The following REV3L variants were observed in gnomAD, a reference collection of about 807,000 sequenced individuals.
REV3L encodes the protein REV3 like, DNA directed polymerase zeta catalytic subunit.
REV3L carries 69 observed loss-of-function variants against 299.4 expected under a neutral mutation model. The ratio of observed to expected loss-of-function variants is 0.23; its 90% CI spans 0.19 to 0.28. REV3L has a LOEUF of 0.28. REV3L is among the 10% of genes least tolerant of loss of function. The pLI is 1.00. For missense variants in REV3L, 3,128 were observed against 3,693.8 expected, an observed-to-expected ratio of 0.85 and a Z score of 3.97; for synonymous variants, 1,238 against 1,271.4, an observed-to-expected ratio of 0.97 and a Z score of 0.56.
chr6:111,440,381 T>A (rs906586882), intron 1 of REV3L, among the ~76,000 whole-genome samples: 16 of 152,208 alleles, frequency 1.1e-4, no homozygotes, highest in Non-Finnish European at 1.5e-4. Context: ...AAAGCAAAGA[T>A]TTTTATGCTA....
At chr6:111,353,066 T>C (rs1777737629) in intron 18 of REV3L, among the ~76,000 whole-genome samples, 1 of 152,202 alleles carries the variant, frequency 6.6e-6, no homozygotes. Context: ...ATTTAAATCG[T>C]TGAGTTTTAC....
Position 111,375,025 on chromosome 6 carries a change from T to C in REV3L, c.3330A>G (p.Leu1110=), listed in dbSNP as rs1780159339. Residue 1110 remains leucine, a synonymous_variant, in exon 13 of 32, where the codon CTA becomes CTG. Transcript: ENST00000368802. The part of the protein sequence containing the change: ...DLNYSDVMSK[L]GFLSERSTSP... Reference sequence around the variant, plus strand: ...TTGTGCTTCTCTCAGAAAGAAAACCTAGTTTAGACATAACATCACTATAAT... The same window carrying C: ...TTGTGCTTCTCTCAGAAAGAAAACCCAGTTTAGACATAACATCACTATAAT... The C allele has an allele frequency of 1.2e-6, 2 of 1,613,766 alleles. No homozygotes were observed. Among genetic ancestry groups the C allele is most frequent in the Non-Finnish European group, 1.7e-6 (2 of 1,179,860 alleles).
chr6:111,343,090 T>C (rs1776686123), intron 21 of REV3L, among the ~76,000 whole-genome samples: 1 of 152,230 alleles, frequency 6.6e-6, no homozygotes, highest in African/African-American at 2.4e-5. Context: ...TCCTAAGAGA[T>C]ATGAAAATGT....
intron 1 of REV3L, among the ~76,000 whole-genome samples, chr6:111,455,749 T>C (rs1291338427): frequency 2.6e-5 from 4 of 152,224 alleles, no homozygotes; most frequent in Admixed American, 6.5e-5. Context: ...TCAGTAAATA[T>C]CTACCAAAGC....
At chr6:111,456,132 C>T (rs945315920) in intron 1 of REV3L, among the ~76,000 whole-genome samples, 5 of 152,138 alleles carry the variant, frequency 3.3e-5, no homozygotes, top group Non-Finnish European at 4.4e-5. Flanking sequence ...ATGACAAAAT[C>T]GCCTACCAAT....
intron 1 of REV3L, among the ~76,000 whole-genome samples, chr6:111,459,791 A>G (rs1790548650): frequency 6.6e-6 from 1 of 152,176 alleles, no homozygotes; most frequent in East Asian, 1.9e-4. Context: ...GGCTGTGGAG[A>G]AAAGGGAAAA....
At chr6:111,371,515 T>C (rs1004970412) in intron 13 of REV3L, among the ~76,000 whole-genome samples, 3 of 151,544 alleles carry the variant, frequency 2.0e-5, no homozygotes, top group Non-Finnish European at 2.9e-5. Flanking sequence ...CTTAGCCTCC[T>C]GAGTAGCTGG....
intron 13 of REV3L, among the ~76,000 whole-genome samples, chr6:111,369,132 G>C (rs919806101): frequency 1.3e-5 from 2 of 152,018 alleles, no homozygotes; most frequent in Non-Finnish European, 2.9e-5. Context: ...ACTAAGGATA[G>C]AGAAGTCATA....
At chr6:111,313,741 T>C (rs981258748) in intron 27 of REV3L, among the ~76,000 whole-genome samples, 2 of 152,226 alleles carry the variant, frequency 1.3e-5, no homozygotes, top group African/African-American at 4.8e-5. Flanking sequence ...ATAAACACTT[T>C]AGCTTGGCAT....
chr6:111,483,014 A>C lies in REV3L; in HGVS notation c.-126T>G. 6.8e-5 allele frequency: 76 copies of C among 1,119,764 alleles called. No individual in the cohort carries two copies. Among genetic ancestry groups the C allele is most frequent in the Non-Finnish European group, 8.4e-5 (71 of 849,980 alleles). The allele number at this position is 1,119,764 out of a possible 1,614,324, so 69.4% of individuals were successfully genotyped here. On this transcript the variant is annotated 5_prime_UTR_variant, in exon 1 of 32. Transcript: ENST00000368802. ...TCTCGGCACGGCCCCCTCCCCTCAC[A>C]CAGAGGCACCTCGAGGAGCGGCGGG...
chr6:111,463,926 A>G lies in REV3L; in HGVS notation c.139+18824T>C, dbSNP rs112862324. 3.6e-3 allele frequency among the ~76,000 whole-genome samples: 552 copies of G among 152,284 alleles called. 4 individuals are homozygous for G. Among genetic ancestry groups the G allele is most frequent in the African/African-American group, 0.012 (519 of 41,568 alleles). On this transcript the variant is annotated intron_variant, in intron 1 of 31. Coordinates refer to ENST00000368802, the MANE Select transcript of REV3L (RefSeq NM_001372078.1). ...GTAATACCTCTGTTCATCTACTCTAAAAACAACCAATATCAACATAATTGA... is the reference window on the plus strand; with the variant it reads ...GTAATACCTCTGTTCATCTACTCTAGAAACAACCAATATCAACATAATTGA...
intron 11 of REV3L, 21 bp from the exon 12 acceptor site, chr6:111,377,864 C>T (rs1312330352): frequency 6.3e-7 from 1 of 1,595,678 alleles, no homozygotes; most frequent in Admixed American, 1.7e-5. Context: ...TTAAAATTCA[C>T]TGGTGAGCAT....
At chr6:111,411,575 T>C in intron 2 of REV3L, 21 bp from the exon 3 acceptor site, 1 of 1,408,802 alleles carries the variant, frequency 7.1e-7, no homozygotes, top group Non-Finnish European at 9.8e-7. Flanking sequence ...AGAAAAAAAA[T>C]TTCAAATTAT....
chr6:111,406,777 T>C (rs1402418078), intron 3 of REV3L, among the ~76,000 whole-genome samples: 1 of 152,098 alleles, frequency 6.6e-6, no homozygotes, highest in Non-Finnish European at 1.5e-5. Flanking sequence ...CAAGGGCATT[T>C]AGGTATAGTG....
At position 111,372,860 on chromosome 6, in the gene REV3L, A is replaced by G. The variant is rs553404338; in HGVS notation, c.5495T>C (p.Val1832Ala). 1 of 1,614,184 alleles carries G rather than the reference A, an allele frequency of 6.2e-7. No homozygotes were observed. The highest frequency in any genetic ancestry group is 1.3e-5 in the African/African-American group (1 of 75,066). Reference protein sequence around the residue: ...LSSPDGELVDVACEDLELYVS... With the variant: ...LSSPDGELVDAACEDLELYVS... ...ATACAGTTCTAAATCTTCACAGGCCACGTCTACAAGTTCACCATCAGGGGA... is the reference window on the plus strand; with the variant it reads ...ATACAGTTCTAAATCTTCACAGGCCGCGTCTACAAGTTCACCATCAGGGGA... The change falls in exon 13 of 32, where the codon GTG (valine) becomes GCG (alanine). Residue 1832 changes from valine to alanine, a missense_variant. Physicochemically the swap from Val to Ala is moderately conservative, Grantham distance 64. Transcript: ENST00000368802.
intron 13 of REV3L, among the ~76,000 whole-genome samples, chr6:111,370,974 T>C (rs1779745586): frequency 6.6e-6 from 1 of 152,154 alleles, no homozygotes; most frequent in South Asian, 2.1e-4. Context: ...CTTTCTTTTT[T>C]TTTTTTCCCA....
chr6:111,393,185 AT>A (rs1297433480), intron 4 of REV3L, among the ~76,000 whole-genome samples: 2 of 151,570 alleles, frequency 1.3e-5, no homozygotes, highest in East Asian at 3.9e-4. Context: ...AGCGCAGCAA[AT>A]TTTTTTTGTA....
At chr6:111,482,537 TG>T (rs1309695141) in intron 1 of REV3L, among the ~76,000 whole-genome samples, 1 of 148,994 alleles carries the variant, frequency 6.7e-6, no homozygotes, top group East Asian at 2.1e-4. Flanking sequence ...TGCCCGGGGG[TG>T]GGGGCGCCGC....
intron 2 of REV3L, among the ~76,000 whole-genome samples, chr6:111,414,945 G>A (rs1414664249): frequency 6.6e-6 from 1 of 151,994 alleles, no homozygotes; most frequent in Non-Finnish European, 1.5e-5. Context: ...TTAATATCAA[G>A]CCACCATATT....
Sources: gnomAD v4.1 joint callset for allele counts (sites outside exome capture counted in the v4.1 genomes callset) on GRCh38, gnomAD v4.1.1 for gene constraint, MANE v1.5 for transcripts, NCBI Gene and HGNC (gene_info 2026-07-23, HGNC 2026-07-21) for gene names.